VEGFB: variants seen among roughly 807,000 people sequenced by gnomAD.
VEGFB encodes the protein VEGF-related factor.
In VEGFB, 24 loss-of-function variants were observed where a neutral mutation model predicts 22.5. The ratio of observed to expected loss-of-function variants is 1.07; its 90% CI spans 0.77 to 1.50. The LOEUF (loss-of-function observed/expected upper bound fraction) is 1.50. Among genes scored for constraint, VEGFB ranks in the 40% most tolerant of loss-of-function variants. VEGFB has a pLI of 0.00. For synonymous variants in VEGFB, 141 were observed against 117.4 expected (o/e 1.20, Z -1.30); for missense variants, 327 against 287.8 (o/e 1.14, Z -0.99).
chr11:64,235,480 C>T lies in VEGFB; in HGVS notation c.83C>T (p.Ala28Val), dbSNP rs553611345. Residue 28 changes from alanine (A) to valine (V), a missense_variant, in exon 2 of 7, where the codon GCC (alanine) becomes GTC (valine). Ala to Val is a moderately conservative substitution (Grantham distance 64). Coordinates refer to ENST00000309422, the MANE Select transcript of VEGFB (RefSeq NM_003377.5). ...PAQAPVSQPD[A>V]PGHQRKVVSW... ...CAGGCCCCTGTCTCCCAGCCTGATG[C>T]CCCTGGCCACCAGAGGAAAGGTAAT... 1 of 1,613,896 alleles carries T rather than the reference C, an allele frequency of 6.2e-7. No homozygotes were observed. Among genetic ancestry groups the T allele is most frequent in the African/African-American group, 1.3e-5 (1 of 75,038 alleles).
At position 64,238,581 on chromosome 11, in the gene VEGFB, G is replaced by T; in HGVS notation, c.*248G>T. ...ATCATCAAACAGGACAGAGTTGGAA[G>T]AGGAGACTGGGAGGCAGCAAGAGGG... On this transcript the variant is annotated 3_prime_UTR_variant, in exon 7 of 7. Transcript: ENST00000309422. 1.6e-6 allele frequency: 1 copy of T among 639,364 alleles called. No individual in the cohort carries two copies. The highest frequency in any genetic ancestry group is 1.8e-5 in the African/African-American group (1 of 54,674). The allele number at this position is 639,364 out of a possible 1,614,324, so 39.6% of individuals were successfully genotyped here.
intron 5 of VEGFB, 21 bp from the exon 6 acceptor site, chr11:64,237,399 C>G: frequency 6.4e-7 from 1 of 1,570,492 alleles, no homozygotes; most frequent in East Asian, 2.3e-5. Flanking sequence ...CCACCCCAGA[C>G]ATGTCGCTTC....
Position 64,239,159 on chromosome 11 carries a change from A to G in VEGFB, c.*826A>G, listed in dbSNP as rs61761281. The stretch of plus-strand genomic sequence containing the variant: ...TCTGAGCAGCAGTTTCCACATGTGC[A>G]CATAGAGGGAACAGAAGATTGCTGT... On this transcript the variant is annotated 3_prime_UTR_variant, in exon 7 of 7. Transcript: ENST00000309422. 0.028 allele frequency among the ~76,000 whole-genome samples: 4,312 copies of G among 152,238 alleles called. 194 individuals are homozygous for G. Among genetic ancestry groups the G allele is most frequent in the African/African-American group, 0.097 (4,022 of 41,530 alleles).
chr11:64,235,132 G>A (rs1947233512), intron 1 of VEGFB, among the ~76,000 whole-genome samples: 1 of 152,144 alleles, frequency 6.6e-6, no homozygotes, highest in Non-Finnish European at 1.5e-5. Flanking sequence ...CGCCGGGGGC[G>A]GGGCTCCCTC....
intron 4 of VEGFB, among the ~76,000 whole-genome samples, chr11:64,236,716 C>CAA (rs773789771): frequency 0.034 from 2,541 of 74,304 alleles, 410 homozygotes; most frequent in Non-Finnish European, 0.047. Flanking sequence ...GACTCTGCCA[C>CAA]AAAAAAAAAA....
At position 64,236,200 on chromosome 11, in the gene VEGFB, C is replaced by T. The variant is rs550936231; in HGVS notation, c.301-54C>T. The T allele has an allele frequency of 1.9e-3, 3,019 of 1,596,658 alleles. 59 individuals carry two copies. In the South Asian group the frequency reaches 0.031, roughly 17 times the overall value. On this transcript the variant is annotated intron_variant, in intron 3 of 6. Transcript: ENST00000309422. ...AGCTTTTCTCCCTTCAGTCTTAGAG[C>T]ATCCCCTTTCTCTCTCTCCCTCACT...
chr11:64,237,979 CT>C (rs2030226314), intron 6 of VEGFB: 1 of 479,110 alleles, frequency 2.1e-6, no homozygotes, highest in Non-Finnish European at 3.7e-6. Flanking sequence ...TAGGACACAG[CT>C]TTTCCAGCTT....
At position 64,236,299 on chromosome 11, in the gene VEGFB, C is replaced by A. The variant is rs753621240; in HGVS notation, c.346C>A (p.Leu116Met). The change falls in exon 4 of 7, where the codon CTG (leucine) becomes ATG (methionine). Residue 116 changes from leucine to methionine, a missense_variant. Physicochemically the swap from Leu to Met is conservative, Grantham distance 15. Coordinates refer to ENST00000309422, the MANE Select transcript of VEGFB (RefSeq NM_003377.5). Reference sequence around the variant, plus strand: ...GAGCAGTCAGCTGGGGGAGATGTCCCTGGAAGAACACAGCCAGTGTGAATG... The same window carrying A: ...GAGCAGTCAGCTGGGGGAGATGTCCATGGAAGAACACAGCCAGTGTGAATG... ...YPSSQLGEMS[L>M]EEHSQCECRP... The A allele has an allele frequency of 6.2e-7, 1 of 1,613,920 alleles. No homozygotes were observed. The highest frequency in any genetic ancestry group is 2.2e-5 in the East Asian group (1 of 44,882).
intron 1 of VEGFB, 74 bp from the exon 2 acceptor site, chr11:64,235,363 GAAGCCTACTGATGCAAGGGCA>G: frequency 8.6e-7 from 1 of 1,168,258 alleles, no homozygotes; most frequent in African/African-American, 1.5e-5. Context: ...GAGAGGTGGT[GAAGCCTACTGATGCAAGGGCA>G]AAGCCCCAGG....
In VEGFB at chr11:64,236,401, C is replaced by T. The variant is rs182644773; in HGVS notation, c.374+74C>T. 16 of 1,460,282 alleles carry T rather than the reference C, an allele frequency of 1.1e-5. No individual in the cohort carries two copies. In the South Asian group the frequency reaches 1.4e-4, roughly 13 times the overall value. 90.5% of individuals were successfully genotyped at this position (1,460,282 alleles called of 1,614,324 possible). ...GTGCTGGGTATGGTGGTCCACAGAACTGGGGACCAGGTTCCTAAGAGTAGA... is the reference window on the plus strand; with the variant it reads ...GTGCTGGGTATGGTGGTCCACAGAATTGGGGACCAGGTTCCTAAGAGTAGA... On this transcript the variant is annotated intron_variant, in intron 4 of 6. Transcript: ENST00000309422.
Position 64,234,881 on chromosome 11 carries a change from G to A in VEGFB, c.48G>A (p.Leu16=). ...RRLLLAALLQ[L]APAQAPVSQP... ...TGCTGCTCGCCGCACTCCTGCAGCT[G>A]GCCCCCGCCCAGGTACGTGCGGCCC... Residue 16 remains leucine, a synonymous_variant, in exon 1 of 7, where the codon CTG becomes CTA. Coordinates refer to ENST00000309422, the MANE Select transcript of VEGFB (RefSeq NM_003377.5). This position sits in a 1 kb window ranked among gnomAD's most constrained non-coding sequence, Gnocchi z 5.3. 1.5e-6 allele frequency: 2 copies of A among 1,306,136 alleles called. No homozygotes were observed. The highest frequency in any genetic ancestry group is 3.2e-5 in the Admixed American group (1 of 31,086). 80.9% of individuals were successfully genotyped at this position (1,306,136 alleles called of 1,614,324 possible).
Position 64,237,061 on chromosome 11 carries a change from C to G in VEGFB, c.375-126C>G, listed in dbSNP as rs528025431. ...CCACGCCACTGCACTCCAGCCTGGG[C>G]AAGAAGAGGGAAACACAGTCTCAAA... is the stretch of plus-strand genomic sequence containing the variant. On this transcript the variant is annotated intron_variant, in intron 4 of 6. Transcript: ENST00000309422. The G allele has an allele frequency of 2.1e-5, 16 of 761,590 alleles. No individual in the cohort carries two copies. The African/African-American group carries it at 2.5e-4, about 12-fold the overall frequency. The allele number at this position is 761,590 out of a possible 1,614,324, so 47.2% of individuals were successfully genotyped here.
At chr11:64,237,342 C>T (rs574839717) in intron 5 of VEGFB, 78 bp from the exon 6 acceptor site, 18 of 1,513,880 alleles carry the variant, frequency 1.2e-5, no homozygotes, top group Non-Finnish European at 1.6e-5. Flanking sequence ...GCTCCCCAAG[C>T]CTGTGTTCTC....
At chr11:64,236,904 C>T (rs184109028) in intron 4 of VEGFB, among the ~76,000 whole-genome samples, 1 of 146,644 alleles carries the variant, frequency 6.8e-6, no homozygotes, top group South Asian at 2.2e-4. Context: ...CATGGTGAAA[C>T]CCCATCTCTA....
chr11:64,237,398 A>G, intron 5 of VEGFB, 22 bp from the exon 6 acceptor site: 2 of 1,569,266 alleles, frequency 1.3e-6, no homozygotes, highest in Non-Finnish European at 1.7e-6. Context: ...CCCACCCCAG[A>G]CATGTCGCTT....
chr11:64,237,225 GAGTCTTTTGGACTCCAGC>G lies in VEGFB; in HGVS notation c.410+4_410+21del, dbSNP rs763959733. 6.2e-7 allele frequency: 1 copy of G among 1,608,708 alleles called. No individual in the cohort carries two copies. Among genetic ancestry groups the G allele is most frequent in the African/African-American group, 1.3e-5 (1 of 74,902 alleles). On this transcript the variant is annotated splice_donor_5th_base_variant and intron_variant, in intron 5 of 6. Coordinates refer to ENST00000309422, the MANE Select transcript of VEGFB (RefSeq NM_003377.5). The stretch of plus-strand genomic sequence containing the variant: ...GACAGTGCTGTGAAGCCAGACAGGT[GAGTCTTTTGGACTCCAGC>G]TGAGTAGGGGTATGGGGAGTACAAG...
At position 64,235,459 on chromosome 11, in the gene VEGFB, C is replaced by T. The variant is rs1307803027; in HGVS notation, c.62C>T (p.Ala21Val). 1 of 1,613,688 alleles carries T rather than the reference C, an allele frequency of 6.2e-7. No individual in the cohort carries two copies. Among genetic ancestry groups the T allele is most frequent in the African/African-American group, 1.3e-5 (1 of 74,912 alleles). Residue 21 changes from alanine to valine, a missense_variant and splice_region_variant, in exon 2 of 7, where the codon GCC becomes GTC. Ala to Val is a moderately conservative substitution (Grantham distance 64). Coordinates refer to ENST00000309422, the MANE Select transcript of VEGFB (RefSeq NM_003377.5). Reference protein sequence around the residue: ...AALLQLAPAQAPVSQPDAPGH... With the variant: ...AALLQLAPAQVPVSQPDAPGH... ...GTACAGGTCTTTTCTCTCCCACAGG[C>T]CCCTGTCTCCCAGCCTGATGCCCCT... is the stretch of plus-strand genomic sequence containing the variant.
Position 64,238,618 on chromosome 11 carries a change from G to A in VEGFB, c.*285G>A, listed in dbSNP as rs1012394369. 2.0e-5 allele frequency: 12 copies of A among 591,718 alleles called. No individual in the cohort carries two copies. In the Middle Eastern group the frequency reaches 3.2e-3, roughly 155 times the overall value. 36.7% of individuals were successfully genotyped at this position (591,718 alleles called of 1,614,324 possible). ...AGGCAGCAAGAGGGGTCACATACCA[G>A]CTCAGGGGAGAATGGAGTACTGTCT... On this transcript the variant is annotated 3_prime_UTR_variant, in exon 7 of 7. Transcript: ENST00000309422.
At chr11:64,235,288 G>C (rs1033663697) in intron 1 of VEGFB, among the ~76,000 whole-genome samples, 170 bp from the exon 2 acceptor site, 32 of 152,352 alleles carry the variant, frequency 2.1e-4, no homozygotes, top group African/African-American at 7.7e-4. Flanking sequence ...GTCCCGGGTG[G>C]CCAGGAGAGG....
Sources: allele counts gnomAD v4.1 joint callset (sites outside exome capture counted in the v4.1 genomes callset), GRCh38; gene constraint gnomAD v4.1.1; non-coding constraint Gnocchi (gnomAD v3.1); transcripts MANE v1.5; gene names NCBI Gene and HGNC (gene_info 2026-07-23, HGNC 2026-07-21).